Variants in ZNF385D observed in about 807,000 individuals in gnomAD.
The protein encoded by ZNF385D is zinc finger protein 659.
In ZNF385D, 15 loss-of-function variants were observed where a neutral mutation model predicts 35.8. That is an observed-to-expected ratio of 0.42 (90% CI 0.28 to 0.64). The LOEUF is 0.64. Ranked by LOEUF, ZNF385D falls within the 30% of genes least tolerant of loss-of-function variation. The pLI is 0.23. For synonymous variants in ZNF385D, 212 were observed against 186.8 expected, an observed-to-expected ratio of 1.13 and a Z score of -1.10; for missense variants, 474 against 494.6, an observed-to-expected ratio of 0.96 and a Z score of 0.39.
chr3:22,349,459 C>A (rs749966169), intron 2 of ZNF385D, among the ~76,000 whole-genome samples: 5 of 152,184 alleles, frequency 3.3e-5, no homozygotes, highest in Non-Finnish European at 7.4e-5. Flanking sequence ...ACTTCCCAAT[C>A]TTCTTAAATG....
chr3:22,264,257 G>T (rs1234601338), intron 2 of ZNF385D, among the ~76,000 whole-genome samples: 1 of 151,982 alleles, frequency 6.6e-6, no homozygotes, highest in Non-Finnish European at 1.5e-5. Flanking sequence ...TAATGCATAA[G>T]AAAAAACCAG....
chr3:22,297,927 T>C (rs1235235368), intron 2 of ZNF385D, among the ~76,000 whole-genome samples: 4 of 152,102 alleles, frequency 2.6e-5, no homozygotes, highest in Non-Finnish European at 5.9e-5. Context: ...AAATAATCTC[T>C]GCATCTATAA....
chr3:21,809,264 T>C (rs567502847), intron 3 of ZNF385D, among the ~76,000 whole-genome samples: 1 of 152,004 alleles, frequency 6.6e-6, no homozygotes, highest in East Asian at 1.9e-4. Context: ...GAAAAAGAAA[T>C]AGAAACTAAG....
intron 3 of ZNF385D, among the ~76,000 whole-genome samples, chr3:21,874,726 G>A (rs1697874021): frequency 6.6e-6 from 1 of 151,986 alleles, no homozygotes; most frequent in Non-Finnish European, 1.5e-5. Flanking sequence ...GTGGTCCTTT[G>A]TGATTCTTTT....
At chr3:22,347,477 C>G (rs1020515930) in intron 2 of ZNF385D, among the ~76,000 whole-genome samples, 1 of 152,122 alleles carries the variant, frequency 6.6e-6, no homozygotes, top group Non-Finnish European at 1.5e-5. Context: ...GAAGCTGACT[C>G]AATTTTAGAA....
chr3:22,154,996 C>A (rs1231483151), intron 3 of ZNF385D, among the ~76,000 whole-genome samples: 1 of 152,026 alleles, frequency 6.6e-6, no homozygotes, highest in Non-Finnish European at 1.5e-5. Flanking sequence ...TGAATTAAGG[C>A]AGCCATTGAA....
chr3:22,172,201 G>A (rs1040631200), intron 2 of ZNF385D, among the ~76,000 whole-genome samples: 3 of 152,146 alleles, frequency 2.0e-5, no homozygotes, highest in African/African-American at 7.2e-5. Flanking sequence ...AGTAATGTAG[G>A]TATAGACAGC....
At chr3:21,907,629 A>G (rs182582403) in intron 3 of ZNF385D, among the ~76,000 whole-genome samples, 81 of 152,282 alleles carry the variant, frequency 5.3e-4, no homozygotes, top group Admixed American at 5.2e-3. Context: ...GAGATACATT[A>G]TAAGAATCTT....
chr3:21,949,258 T>G (rs1461216174), intron 3 of ZNF385D, among the ~76,000 whole-genome samples: 1 of 152,228 alleles, frequency 6.6e-6, no homozygotes, highest in Non-Finnish European at 1.5e-5. Flanking sequence ...TGTTTAATAA[T>G]TCTATATGAC....
intron 2 of ZNF385D, among the ~76,000 whole-genome samples, chr3:22,228,528 A>G (rs1490872445): frequency 6.6e-6 from 1 of 152,206 alleles, no homozygotes; most frequent in Non-Finnish European, 1.5e-5. Flanking sequence ...TCCAGGGAAT[A>G]AAAGCTTTTG....
intron 3 of ZNF385D, among the ~76,000 whole-genome samples, chr3:22,007,669 T>C (rs1696297930): frequency 1.3e-5 from 2 of 152,322 alleles, no homozygotes; most frequent in South Asian, 4.1e-4. Context: ...TTTTCAATCC[T>C]TGCTAATCTG....
At chr3:22,089,641 G>T (rs966232101) in intron 3 of ZNF385D, among the ~76,000 whole-genome samples, 11 of 152,236 alleles carry the variant, frequency 7.2e-5, no homozygotes, top group African/African-American at 2.4e-4. Context: ...TCCTCAGTGA[G>T]GTTTGGATCT....
chr3:21,682,343 G>A (rs1375554254), intron 1 of ZNF385D, among the ~76,000 whole-genome samples: 1 of 150,140 alleles, frequency 6.7e-6, no homozygotes, highest in Admixed American at 6.6e-5. Flanking sequence ...TAAAGGACAG[G>A]CAAGTAAGAG....
At chr3:21,642,865 C>G (rs2065647007) in intron 2 of ZNF385D, among the ~76,000 whole-genome samples, 1 of 151,954 alleles carries the variant, frequency 6.6e-6, no homozygotes, top group South Asian at 2.1e-4. Flanking sequence ...CTGTATAACT[C>G]CATTTATACC....
At chr3:21,488,875 G>A (rs994615597) in intron 4 of ZNF385D, among the ~76,000 whole-genome samples, 2 of 152,058 alleles carry the variant, frequency 1.3e-5, no homozygotes, top group African/African-American at 4.8e-5. Context: ...ACTTTCCAAA[G>A]CAGTCCAAAA....
intron 3 of ZNF385D, among the ~76,000 whole-genome samples, chr3:22,076,640 A>C (rs1700479523): frequency 6.6e-6 from 1 of 151,980 alleles, no homozygotes. Context: ...TCTGTGGTTC[A>C]TAGTTTTATC....
At chr3:22,175,219 A>G (rs1243367895) in intron 2 of ZNF385D, among the ~76,000 whole-genome samples, 1 of 152,088 alleles carries the variant, frequency 6.6e-6, no homozygotes, top group African/African-American at 2.4e-5. Context: ...TTGTAAGAAT[A>G]TGATGATACA....
chr3:22,099,352 G>A (rs1233534446), intron 3 of ZNF385D, among the ~76,000 whole-genome samples: 2 of 152,118 alleles, frequency 1.3e-5, no homozygotes, highest in African/African-American at 4.8e-5. Context: ...TAGTCCATAA[G>A]AAAGGGAGCA....
At chr3:22,209,871 A>G (rs1311632861) in intron 2 of ZNF385D, among the ~76,000 whole-genome samples, 1 of 151,892 alleles carries the variant, frequency 6.6e-6, no homozygotes, top group Non-Finnish European at 1.5e-5. Context: ...CTTATCTTTG[A>G]CAGCATAAAT....
Sources: gnomAD v4.1 joint callset for allele counts (sites outside exome capture counted in the v4.1 genomes callset) on GRCh38, gnomAD v4.1.1 for gene constraint, MANE v1.5 for transcripts, NCBI Gene and HGNC (gene_info 2026-07-23, HGNC 2026-07-21) for gene names.